The following EDA variants were observed in gnomAD, a reference collection of about 807,000 sequenced individuals.
The protein encoded by EDA is ectodysplasin-A.
Under a neutral mutation model 23.6 loss-of-function variants are expected in EDA, and 2 were observed. That is an observed-to-expected ratio of 0.08 (90% CI 0.03 to 0.27). EDA has a LOEUF of 0.27. Among genes scored for constraint, EDA ranks in the 10% least tolerant of loss-of-function variants. EDA has a pLI of 1.00. For synonymous variants in EDA, 131 were observed against 132.0 expected, an observed-to-expected ratio of 0.99 and a Z score of 0.05; for missense variants, 229 against 324.2, an observed-to-expected ratio of 0.71 and a Z score of 2.26.
chrX:69,677,885 A>C (rs1383066616), intron 1 of EDA, among the ~76,000 whole-genome samples: 1 of 111,823 alleles, frequency 8.9e-6, no homozygotes, highest in Non-Finnish European at 1.9e-5. Context: ...TTTAGACATG[A>C]AGTCCTTGCC....
chrX:69,632,155 G>T (rs1463470271), intron 1 of EDA, among the ~76,000 whole-genome samples: 1 of 111,559 alleles, frequency 9.0e-6, no homozygotes, highest in Non-Finnish European at 1.9e-5. Context: ...AAATCTAGGT[G>T]CCTGTATCCC....
At chrX:69,875,764 A>G (rs2017634041) in intron 1 of EDA, among the ~76,000 whole-genome samples, 1 of 111,494 alleles carries the variant, frequency 9.0e-6, no homozygotes, top group Admixed American at 9.5e-5. Flanking sequence ...TCCAGAATCT[A>G]TAAAGAACTC....
chrX:69,705,223 C>CAAAA (rs545649412), intron 1 of EDA, among the ~76,000 whole-genome samples: 1 of 58,861 alleles, frequency 1.7e-5, no homozygotes, highest in African/African-American at 6.9e-5. Context: ...AACTCCATCT[C>CAAAA]AAAAAAAAAA....
intron 1 of EDA, among the ~76,000 whole-genome samples, chrX:69,933,649 C>T (rs2018631818): frequency 9.5e-6 from 1 of 104,800 alleles, no homozygotes; most frequent in Non-Finnish European, 2.0e-5. Flanking sequence ...TGCACTCCAG[C>T]CCAGCTGACA....
chrX:69,861,570 A>G (rs536137809), intron 1 of EDA, among the ~76,000 whole-genome samples: 7 of 111,986 alleles, frequency 6.3e-5, no homozygotes, highest in African/African-American at 1.9e-4. Context: ...TAAATGGACT[A>G]AATTCTCTGG....
chrX:69,829,862 T>A (rs2016563671), intron 1 of EDA, among the ~76,000 whole-genome samples: 1 of 112,134 alleles, frequency 8.9e-6, no homozygotes, highest in African/African-American at 3.2e-5. Context: ...GGGTGCTATA[T>A]TAACATCAAA....
At position 69,729,234 on chromosome X, in the gene EDA, C is replaced by T. The variant is rs540162886; in HGVS notation, c.396+112530C>T. On this transcript the variant is annotated intron_variant, in intron 1 of 7. Coordinates refer to ENST00000374552, the MANE Select transcript of EDA (RefSeq NM_001399.5). ...CCCATACCTATTCACCTACCAGCAT[C>T]TGTGCCACTTTTCTCTCTCTCCTGT... is the stretch of plus-strand genomic sequence containing the variant. 2.7e-5 allele frequency: 3 copies of T among 111,754 alleles called. No individual in the cohort carries two copies. The East Asian group carries it at 8.5e-4, about 32-fold the overall frequency. The allele number at this position is 111,754 out of a possible 1,213,427, so 9.2% of individuals were successfully genotyped here.
chrX:69,973,002 C>T (rs909381606), intron 2 of EDA, among the ~76,000 whole-genome samples: 1 of 108,843 alleles, frequency 9.2e-6, no homozygotes, highest in African/African-American at 3.6e-5. Context: ...CTAAGCTAAT[C>T]TAAGCTAATC....
intron 1 of EDA, among the ~76,000 whole-genome samples, chrX:69,707,353 C>G (rs1438762441): frequency 8.9e-6 from 1 of 112,214 alleles, no homozygotes; most frequent in Non-Finnish European, 1.9e-5. Flanking sequence ...TAATTATCAT[C>G]TAAGGAGTGA....
intron 1 of EDA, among the ~76,000 whole-genome samples, chrX:69,847,258 G>A (rs2017027950): frequency 1.8e-5 from 2 of 111,731 alleles, no homozygotes; most frequent in Non-Finnish European, 3.8e-5. Flanking sequence ...ATGGACAAGT[G>A]TGATTCCCAA....
chrX:69,829,648 GA>G (rs2016557845), intron 1 of EDA, among the ~76,000 whole-genome samples: 1 of 111,740 alleles, frequency 8.9e-6, no homozygotes, highest in Non-Finnish European at 1.9e-5. Context: ...ATCAGAAATG[GA>G]ATCACCTGAG....
chrX:69,993,629 G>C (rs1052435734), intron 2 of EDA, among the ~76,000 whole-genome samples: 2 of 112,024 alleles, frequency 1.8e-5, no homozygotes, highest in Admixed American at 9.4e-5. Context: ...TCCAAGGAAA[G>C]CTCACAGCCC....
intron 1 of EDA, among the ~76,000 whole-genome samples, chrX:69,700,844 G>A (rs1484767590): frequency 9.0e-6 from 1 of 111,148 alleles, no homozygotes; most frequent in African/African-American, 3.3e-5. Context: ...ACCAGAGAGG[G>A]GTTTGGGTTG....
At chrX:69,677,691 T>C (rs1275290480) in intron 1 of EDA, among the ~76,000 whole-genome samples, 1 of 112,143 alleles carries the variant, frequency 8.9e-6, no homozygotes, top group African/African-American at 3.3e-5. Context: ...TTCTTGTAAA[T>C]TTGTTTGAGT....
intron 1 of EDA, among the ~76,000 whole-genome samples, chrX:69,804,664 GGATA>G (rs1312589458): frequency 1.8e-5 from 2 of 110,366 alleles, no homozygotes; most frequent in African/African-American, 3.3e-5. Context: ...TTATGAAATA[GGATA>G]GATAATCATC....
chrX:70,013,924 G>A (rs1395869139), intron 2 of EDA, among the ~76,000 whole-genome samples: 1 of 112,118 alleles, frequency 8.9e-6, no homozygotes, highest in Non-Finnish European at 1.9e-5. Context: ...TTACCAGGCA[G>A]GGTGCCCTGG....
chrX:69,960,674 T>A (rs1180244251), intron 2 of EDA, among the ~76,000 whole-genome samples: 2 of 110,192 alleles, frequency 1.8e-5, no homozygotes, highest in African/African-American at 6.6e-5. Flanking sequence ...AAAAATCTTA[T>A]CAGGTGTTGA....
chrX:69,910,625 ATTTTTTCCAATCT>A (rs1238444973), intron 1 of EDA, among the ~76,000 whole-genome samples: 5 of 109,544 alleles, frequency 4.6e-5, no homozygotes, highest in Non-Finnish European at 7.6e-5. Context: ...GGCTCTGCTT[ATTTTTTCCAATCT>A]TTTTCCTTCC....
intron 1 of EDA, among the ~76,000 whole-genome samples, chrX:69,942,231 A>C (rs2018768603): frequency 9.0e-6 from 1 of 111,604 alleles, no homozygotes; most frequent in Non-Finnish European, 1.9e-5. Flanking sequence ...TACACACCAG[A>C]GTTACAATGT....
Sources: gnomAD v4.1 joint callset for allele counts (sites outside exome capture counted in the v4.1 genomes callset) on GRCh38, gnomAD v4.1.1 for gene constraint, MANE v1.5 for transcripts, NCBI Gene and HGNC (gene_info 2026-07-23, HGNC 2026-07-21) for gene names.